CALCR: variants seen among roughly 807,000 people sequenced by gnomAD.
The protein encoded by CALCR is calcitonin receptor.
A neutral mutation model predicts 59.5 loss-of-function variants in CALCR; 47 were observed. That is an observed-to-expected ratio of 0.79 (90% CI 0.63 to 1.01). The LOEUF (loss-of-function observed/expected upper bound fraction) is 1.01, where lower values mean the gene tolerates loss of function less well. CALCR is among the 50% of genes least tolerant of loss of function. The probability of loss-of-function intolerance (pLI) is 0.00; values close to 1 mark genes in which losing one functional copy is unlikely to be tolerated. For synonymous variants in CALCR, 213 were observed against 211.3 expected (o/e 1.01, Z -0.07); for missense variants, 566 against 597.1 (o/e 0.95, Z 0.54).
intron 2 of CALCR, among the ~76,000 whole-genome samples, chr7:93,495,639 T>C (rs1186808300): frequency 6.6e-6 from 1 of 151,376 alleles, no homozygotes; most frequent in African/African-American, 2.4e-5. Flanking sequence ...ATAGGAGAAG[T>C]ATACAAGACC....
intron 2 of CALCR, among the ~76,000 whole-genome samples, chr7:93,542,235 T>C (rs1189782775): frequency 6.6e-6 from 1 of 152,170 alleles, no homozygotes; most frequent in Non-Finnish European, 1.5e-5. Context: ...CACACCTTGG[T>C]TGGATGGGAT....
rs555140537 is a variant in CALCR, at chr7:93,442,547, C to T, written c.802+1057G>A. On this transcript the variant is annotated intron_variant, in intron 9 of 13. Transcript: ENST00000426151. ...CATTTCTATAAAGTTGGCGACAATG[C>T]CTGTTGGGCAGGGCTTTAAATACAA... Among the ~76,000 whole-genome samples, 431 of 152,278 alleles carry T rather than the reference C, an allele frequency of 2.8e-3. 2 individuals carry two copies. The highest frequency in any genetic ancestry group is 9.4e-3 in the African/African-American group (390 of 41,578).
intron 7 of CALCR, among the ~76,000 whole-genome samples, chr7:93,464,845 C>T (rs1470757545): frequency 6.6e-6 from 1 of 151,820 alleles, no homozygotes; most frequent in Admixed American, 6.6e-5. Flanking sequence ...GTGGATACTA[C>T]ACAAGGTACA....
chr7:93,447,405 G>A (rs965393900), intron 8 of CALCR, among the ~76,000 whole-genome samples: 1 of 151,914 alleles, frequency 6.6e-6, no homozygotes, highest in Non-Finnish European at 1.5e-5. Context: ...AAGAACCATC[G>A]ATAGCAAAGA....
chr7:93,466,151 A>G (rs1800436803), intron 7 of CALCR, among the ~76,000 whole-genome samples: 1 of 151,888 alleles, frequency 6.6e-6, no homozygotes, highest in African/African-American at 2.4e-5. Flanking sequence ...CCCTGCGAAT[A>G]TAGAATTAAG....
chr7:93,436,213 TC>T, intron 11 of CALCR, 43 bp from the exon 12 acceptor site: 1 of 1,497,340 alleles, frequency 6.7e-7, no homozygotes. Flanking sequence ...CAGAAAAGTA[TC>T]ACTTAAGAAT....
At chr7:93,522,885 CA>C (rs542598236) in intron 2 of CALCR, among the ~76,000 whole-genome samples, 147 of 152,096 alleles carry the variant, frequency 9.7e-4, no homozygotes, top group African/African-American at 3.3e-3. Context: ...CTTTTGGAAG[CA>C]AAAATCAAGG....
rs778517358 is a variant in CALCR at position 93,435,979 on chromosome 7, G to A, written c.1122C>T (p.Tyr374=). 2.0e-5 allele frequency: 32 copies of A among 1,611,646 alleles called. No individual in the cohort carries two copies. Among genetic ancestry groups the A allele is most frequent in the Admixed American group, 1.7e-4 (10 of 59,980 alleles). Residue 374 remains tyrosine (Y), a synonymous_variant, in exon 12 of 14, where the codon TAC becomes TAT. Coordinates refer to ENST00000426151, the MANE Select transcript of CALCR (RefSeq NM_001742.4). Reference sequence around the variant, plus strand: ...GGAAATGAATCAGAGAGTGCATCACGTAATCATATATCTTCCCAAGCATCT... The same window carrying A: ...GGAAATGAATCAGAGAGTGCATCACATAATCATATATCTTCCCAAGCATCT... ...SNKMLGKIYD[Y]VMHSLIHFQG...
intron 7 of CALCR, 47 bp downstream of exon 7, chr7:93,468,668 G>C (rs1174873539): frequency 7.5e-7 from 1 of 1,333,476 alleles, no homozygotes; most frequent in African/African-American, 1.5e-5. Context: ...ATTCGTTTCA[G>C]TAACTTAAAG....
intron 2 of CALCR, among the ~76,000 whole-genome samples, chr7:93,554,855 G>A (rs963188948): frequency 2.0e-5 from 3 of 149,398 alleles, no homozygotes; most frequent in Admixed American, 1.3e-4. Flanking sequence ...TTCTGCACTA[G>A]TCATGTGCTG....
chr7:93,454,615 CAA>C (rs36063536), intron 8 of CALCR, among the ~76,000 whole-genome samples: 6,193 of 144,212 alleles, frequency 0.043, 441 homozygotes, highest in African/African-American at 0.15. Context: ...GCAGATAGAA[CAA>C]AAAAAAAAAA....
At chr7:93,504,312 T>C (rs889524310) in intron 2 of CALCR, among the ~76,000 whole-genome samples, 2 of 152,216 alleles carry the variant, frequency 1.3e-5, no homozygotes, top group African/African-American at 4.8e-5. Context: ...AACACTATCA[T>C]TGTAATATTG....
rs1027039830 is a variant in CALCR, at chr7:93,484,248, C to G, written c.51+2683G>C. Among the ~76,000 whole-genome samples, 16 of 151,858 alleles carry G rather than the reference C, an allele frequency of 1.1e-4. 1 individual carries two copies. The highest frequency in any genetic ancestry group is 1.1e-3 in the Admixed American group (16 of 15,224). ...AAATGGTCATATGCTTATGCAATTC[C>G]TACTGTGATGTAGGACAGTCAGTTT... On this transcript the variant is annotated intron_variant, in intron 3 of 13. Transcript: ENST00000426151.
intron 13 of CALCR, among the ~76,000 whole-genome samples, chr7:93,427,693 A>AATGTT (rs1283522228): frequency 6.6e-6 from 1 of 152,202 alleles, no homozygotes; most frequent in Non-Finnish European, 1.5e-5. Flanking sequence ...AAAACTGATT[A>AATGTT]ATGTTATAAA....
intron 8 of CALCR, among the ~76,000 whole-genome samples, chr7:93,455,412 CTCTTCTTCT>C (rs910771987): frequency 6.6e-6 from 1 of 150,946 alleles, no homozygotes; most frequent in Non-Finnish European, 1.5e-5. Flanking sequence ...TTTTCTTTGT[CTCTTCTTCT>C]TCTTCTTCTT....
At chr7:93,462,103 T>A in intron 7 of CALCR, 1 of 1,495,876 alleles carries the variant, frequency 6.7e-7, no homozygotes, top group Non-Finnish European at 9.0e-7. Flanking sequence ...AAAATAGTTG[T>A]CAATTTTCTG....
At chr7:93,518,473 C>A (rs997747924) in intron 2 of CALCR, among the ~76,000 whole-genome samples, 2 of 151,756 alleles carry the variant, frequency 1.3e-5, no homozygotes, top group Non-Finnish European at 1.5e-5. Context: ...TGAGTTTTCC[C>A]ACCTGTTAGC....
At chr7:93,517,304 C>CTTTTTTTTTTTTCTTTTT (rs753908420) in intron 2 of CALCR, among the ~76,000 whole-genome samples, 2 of 147,154 alleles carry the variant, frequency 1.4e-5, no homozygotes, top group African/African-American at 5.0e-5. Flanking sequence ...GATTTGAGAA[C>CTTTTTTTTTTTTCTTTTT]TTTTTTTTTT....
chr7:93,429,316 A>G (rs1799599056), intron 13 of CALCR, among the ~76,000 whole-genome samples: 1 of 152,138 alleles, frequency 6.6e-6, no homozygotes, highest in African/African-American at 2.4e-5. Flanking sequence ...GAAAAACAAA[A>G]CAAAACAAAA....
Sources: allele counts gnomAD v4.1 joint callset (sites outside exome capture counted in the v4.1 genomes callset), GRCh38; gene constraint gnomAD v4.1.1; transcripts MANE v1.5; gene names NCBI Gene and HGNC (gene_info 2026-07-23, HGNC 2026-07-21).